KIF26A: variants seen among roughly 807,000 people sequenced by gnomAD.
KIF26A encodes the protein kinesin-like protein KIF26A.
In KIF26A, 74 loss-of-function variants were observed where a neutral mutation model predicts 126.0. The observed-to-expected ratio is 0.59, with a 90% confidence interval of 0.49 to 0.71. KIF26A has a LOEUF of 0.71. KIF26A is among the 30% of genes least tolerant of loss of function. The pLI, the probability that KIF26A is intolerant of heterozygous loss-of-function variation, is 0.00. For missense variants in KIF26A, 2,984 were observed against 2,763.3 expected, an observed-to-expected ratio of 1.08 and a Z score of -1.79; for synonymous variants, 1,445 against 1,232.7, an observed-to-expected ratio of 1.17 and a Z score of -3.61.
intron 2 of KIF26A, among the ~76,000 whole-genome samples, chr14:104,140,888 C>G (rs977666814): frequency 1.3e-5 from 2 of 152,188 alleles, no homozygotes; most frequent in Non-Finnish European, 2.9e-5. Context: ...GGGCTTTGTT[C>G]TGCTCTGGGC....
Position 104,173,761 on chromosome 14 carries a change from G to A in KIF26A, c.1923G>A (p.Ala641=), listed in dbSNP as rs61745565. 50,996 of 1,609,786 alleles carry A rather than the reference G, an allele frequency of 0.032. 952 individuals carry two copies. The highest frequency in any genetic ancestry group is 0.036 in the Middle Eastern group (218 of 6,018). The stretch of plus-strand genomic sequence containing the variant: ...TCGACCTGGGCAGCTGTGAGGCGGC[G>A]GCTGGCAGGGCCGGGGAGGCTGCTG... ...HLIDLGSCEA[A]AGRAGEAAGG... is the part of the protein sequence containing the mutation. The change falls in exon 10 of 15, where the codon GCG becomes GCA. Residue 641 remains alanine, a synonymous_variant. Transcript: ENST00000423312.
rs1043192184 is a variant in KIF26A, at chr14:104,148,135, C to T, written c.289-3880C>T. Among the ~76,000 whole-genome samples the T allele has an allele frequency of 3.9e-5, 6 of 152,048 alleles. No individual in the cohort carries two copies. Among genetic ancestry groups the T allele is most frequent in the Non-Finnish European group, 5.9e-5 (4 of 67,986 alleles). ...GCAGTGACGGGGAGCGGGGAGTCCC[C>T]GGTAAAGTCCCCCGGGCCTCACACG... On this transcript the variant is annotated intron_variant, in intron 2 of 14. Coordinates refer to ENST00000423312, the MANE Select transcript of KIF26A (RefSeq NM_015656.2). The surrounding 1 kb of genome is among the most constrained non-coding windows in gnomAD (Gnocchi z 4.3).
chr14:104,155,576 C>T (rs1250420693), intron 3 of KIF26A, among the ~76,000 whole-genome samples: 2 of 152,080 alleles, frequency 1.3e-5, no homozygotes, highest in Admixed American at 6.5e-5. Flanking sequence ...TCTTCCCTCT[C>T]GCCGTCCTCC....
intron 4 of KIF26A, among the ~76,000 whole-genome samples, chr14:104,163,825 G>A (rs984376511): frequency 1.3e-5 from 2 of 151,878 alleles, no homozygotes; most frequent in Admixed American, 6.6e-5. Context: ...ACCCAATACC[G>A]TGCCAGCTGT....
rs141343294 is a variant in KIF26A, at chr14:104,144,157, C to T, written c.288+4869C>T. ...TGGGTGGAGGGCACGTCCTTGTGCT[C>T]GTCTTGTCTCTCTTGCTTCTTTGGG... is the stretch of plus-strand genomic sequence containing the variant. On this transcript the variant is annotated intron_variant, in intron 2 of 14. Coordinates refer to ENST00000423312, the MANE Select transcript of KIF26A (RefSeq NM_015656.2). 2.6e-3 allele frequency among the ~76,000 whole-genome samples: 397 copies of T among 152,236 alleles called. 2 individuals carry two copies. Among genetic ancestry groups the T allele is most frequent in the African/African-American group, 8.9e-3 (371 of 41,518 alleles).
At chr14:104,172,237 C>T (rs1450997507) in intron 6 of KIF26A, among the ~76,000 whole-genome samples, 1 of 152,244 alleles carries the variant, frequency 6.6e-6, no homozygotes, top group Non-Finnish European at 1.5e-5. Flanking sequence ...CTGGGGGCGC[C>T]CGGTGCTCCC....
intron 2 of KIF26A, among the ~76,000 whole-genome samples, chr14:104,146,846 G>T (rs934818142): frequency 2.0e-5 from 3 of 152,308 alleles, no homozygotes; most frequent in African/African-American, 4.8e-5. Context: ...GGCAGGCCAG[G>T]TGACAGGAGG....
At chr14:104,160,470 C>T (rs969731356) in intron 4 of KIF26A, among the ~76,000 whole-genome samples, 1 of 152,100 alleles carries the variant, frequency 6.6e-6, no homozygotes, top group Non-Finnish European at 1.5e-5. Context: ...CTAACAGGGG[C>T]ATAGATAGAG....
At position 104,179,218 on chromosome 14, in the gene KIF26A, G is replaced by C; in HGVS notation, c.5317-18G>C. 2 of 1,448,754 alleles carry C rather than the reference G, an allele frequency of 1.4e-6. No homozygotes were observed. The highest frequency in any genetic ancestry group is 1.4e-5 in the South Asian group (1 of 70,466). 89.7% of individuals were successfully genotyped at this position (1,448,754 alleles called of 1,614,324 possible). A position where few individuals can be genotyped will look rare whatever the true frequency, so the allele number is the denominator to read the frequency against. On this transcript the variant is annotated intron_variant, in intron 13 of 14. Coordinates refer to ENST00000423312, the MANE Select transcript of KIF26A (RefSeq NM_015656.2). ...GAGAGGGTCCCATGCCTGAGCCCCC[G>C]CCCGCCCTGCCTCCCAGGGTCTGGC... is the stretch of plus-strand genomic sequence containing the variant.
Position 104,176,998 on chromosome 14 carries a change from C to G in KIF26A, c.4210C>G (p.Pro1404Ala). The G allele has an allele frequency of 1.3e-6, 2 of 1,545,680 alleles. No individual in the cohort carries two copies. Among genetic ancestry groups the G allele is most frequent in the South Asian group, 2.4e-5 (2 of 84,834 alleles). The change falls in exon 12 of 15, where the codon CCC (proline) becomes GCC (alanine). Residue 1404 changes from proline to alanine, a missense_variant. By Grantham distance (27) the Pro-to-Ala change is conservative (BLOSUM62 -1). Transcript: ENST00000423312. ...CCTTCGAGGGGAGGAGGAGCCCAGA[C>G]CCAGCAGCCGGGCTGACCACTCTGT... ...AVLRGEEEPR[P>A]SSRADHSVPR...
At position 104,180,136 on chromosome 14, in the gene KIF26A, G is replaced by T; in HGVS notation, c.*346G>T. 4.2e-6 allele frequency: 1 copy of T among 235,762 alleles called. No individual in the cohort carries two copies. The highest frequency in any genetic ancestry group is 8.2e-6 in the Non-Finnish European group (1 of 122,054). 14.6% of individuals were successfully genotyped at this position (235,762 alleles called of 1,614,324 possible). A position where few individuals can be genotyped will look rare whatever the true frequency, so the allele number is the denominator to read the frequency against. On this transcript the variant is annotated 3_prime_UTR_variant, in exon 15 of 15. Transcript: ENST00000423312. ...GCTGCGCCTGTCCGGGCCGGGGCTGGCGCCGGTTGTGTTTGTGTCCACCTT... is the reference window on the plus strand; with the variant it reads ...GCTGCGCCTGTCCGGGCCGGGGCTGTCGCCGGTTGTGTTTGTGTCCACCTT...
intron 3 of KIF26A, among the ~76,000 whole-genome samples, chr14:104,154,070 T>C (rs982439667): frequency 2.6e-5 from 4 of 152,198 alleles, no homozygotes; most frequent in Non-Finnish European, 4.4e-5. Flanking sequence ...GATGAGGTAA[T>C]TTCCCCTGAA....
At chr14:104,139,004 C>T in intron 1 of KIF26A, 39 bp from the exon 2 acceptor site, 3 of 1,327,974 alleles carry the variant, frequency 2.3e-6, no homozygotes, top group Non-Finnish European at 2.9e-6. Context: ...CGACGGACGT[C>T]CCAGGCTCAC....
In KIF26A at chr14:104,174,322, C is replaced by T. The variant is rs1353991807; in HGVS notation, c.2193+12C>T. The T allele has an allele frequency of 2.0e-6, 3 of 1,514,438 alleles. No homozygotes were observed. Among genetic ancestry groups the T allele is most frequent in the Middle Eastern group, 2.3e-4 (1 of 4,270 alleles). The allele number at this position is 1,514,438 out of a possible 1,614,324, so 93.8% of individuals were successfully genotyped here. A position where few individuals can be genotyped will look rare whatever the true frequency, so the allele number is the denominator to read the frequency against. On this transcript the variant is annotated intron_variant, in intron 11 of 14. Transcript: ENST00000423312. ...GGAAGAAGGCCAAGGTGCTCCCCAC[C>T]TCCTGCCCGCCCCATCTCGGGGCCG...
chr14:104,166,183 G>GCCCAGGA (rs112128843), intron 4 of KIF26A, among the ~76,000 whole-genome samples: 4,522 of 146,094 alleles, frequency 0.031, 106 homozygotes, highest in Non-Finnish European at 0.043. Flanking sequence ...GGGTGGCAGG[G>GCCCAGGA]GCCCAGGAGC....
rs933433052 is a variant in KIF26A at position 104,177,196 on chromosome 14, T to C, written c.4408T>C (p.Ser1470Pro). ...RAVPKLGVPPSSPTHGPAPAC... is the reference protein window; with the variant it reads ...RAVPKLGVPPPSPTHGPAPAC... ...TGTACCCAAGCTGGGTGTGCCACCC[T>C]CCAGCCCCACACACGGTCCAGCTCC... Residue 1470 changes from serine (S) to proline (P), a missense_variant, in exon 12 of 15, where the codon TCC becomes CCC. By Grantham distance (74) the Ser-to-Pro change is moderately conservative. Transcript: ENST00000423312. 1.3e-6 allele frequency: 2 copies of C among 1,595,490 alleles called. No individual in the cohort carries two copies. Among genetic ancestry groups the C allele is most frequent in the Non-Finnish European group, 1.7e-6 (2 of 1,177,052 alleles).
Position 104,179,287 on chromosome 14 carries a change from C to T in KIF26A, c.5368C>T (p.Arg1790Trp), listed in dbSNP as rs776612231. The stretch of plus-strand genomic sequence containing the variant: ...GCGGCTGGCGGAGCGCAGGCAGCAG[C>T]GGCTGCGGGAGGTGCAGGCCAAGCA... The part of the protein sequence containing the change: ...RLRLAERRQQ[R>W]LREVQAKHKH... Residue 1790 changes from arginine to tryptophan, a missense_variant, in exon 14 of 15, where the codon CGG becomes TGG. Transcript: ENST00000423312. 69 of 1,532,634 alleles carry T rather than the reference C, an allele frequency of 4.5e-5. No homozygotes were observed. Among genetic ancestry groups the T allele is most frequent in the East Asian group, 2.7e-4 (11 of 40,658 alleles). The allele number at this position is 1,532,634 out of a possible 1,614,324, so 94.9% of individuals were successfully genotyped here.
At chr14:104,171,583 C>T (rs776751696) in intron 5 of KIF26A, 140 bp from the exon 6 acceptor site, 7 of 684,172 alleles carry the variant, frequency 1.0e-5, no homozygotes, top group Admixed American at 2.5e-5. Flanking sequence ...AGCAGGGGCG[C>T]GGTGTCCACA....
rs1216334030 is a variant in KIF26A at position 104,151,683 on chromosome 14, C to T, written c.289-332C>T. On this transcript the variant is annotated intron_variant, in intron 2 of 14. Coordinates refer to ENST00000423312, the MANE Select transcript of KIF26A (RefSeq NM_015656.2). The surrounding 1 kb of genome is among the most constrained non-coding windows in gnomAD (Gnocchi z 4.9). ...GGCCCTGCTTCTTGCCAGTCTCCTGCGTGTCCCCGGCCAGGCGGCCTTAGC... is the reference window on the plus strand; with the variant it reads ...GGCCCTGCTTCTTGCCAGTCTCCTGTGTGTCCCCGGCCAGGCGGCCTTAGC... Among the ~76,000 whole-genome samples the T allele has an allele frequency of 5.9e-5, 9 of 152,182 alleles. No homozygotes were observed. The highest frequency in any genetic ancestry group is 8.8e-5 in the Non-Finnish European group (6 of 68,038).
Sources: gnomAD v4.1 joint callset for allele counts (sites outside exome capture counted in the v4.1 genomes callset) on GRCh38, gnomAD v4.1.1 for gene constraint, Gnocchi (gnomAD v3.1) non-coding constraint, MANE v1.5 for transcripts, NCBI Gene and HGNC (gene_info 2026-07-23, HGNC 2026-07-21) for gene names.